The following MSI2 variants were observed in gnomAD, a reference collection of about 807,000 sequenced individuals.
The protein encoded by MSI2 is musashi RNA binding protein 2.
In MSI2, 17 loss-of-function variants were observed where a neutral mutation model predicts 45.6. The observed-to-expected ratio is 0.37, with a 90% CI of 0.26 to 0.56. MSI2 has a LOEUF of 0.56. Among genes scored for constraint, MSI2 ranks in the 20% least tolerant of loss-of-function variants. The probability of loss-of-function intolerance (pLI) is 0.77; values close to 1 mark genes in which losing one functional copy is unlikely to be tolerated. For synonymous variants in MSI2, 156 were observed against 158.2 expected (o/e 0.99, Z 0.11); for missense variants, 293 against 444.2 (o/e 0.66, Z 3.06).
At chr17:57,485,339 C>G (rs745992720) in intron 6 of MSI2, among the ~76,000 whole-genome samples, 2 of 152,156 alleles carry the variant, frequency 1.3e-5, no homozygotes, top group Non-Finnish European at 2.9e-5. Flanking sequence ...AGTTTTAAAT[C>G]CTTTTATTTC....
chr17:57,673,751 G>A (rs2240601), intron 11 of MSI2, among the ~76,000 whole-genome samples: 25,951 of 151,826 alleles, frequency 0.17, 2,698 homozygotes, highest in East Asian at 0.38. Context: ...GCTGCCCCCC[G>A]ATCTGCAACC....
chr17:57,508,106 G>A (rs978574885), intron 6 of MSI2, among the ~76,000 whole-genome samples: 16 of 152,208 alleles, frequency 1.1e-4, no homozygotes, highest in Admixed American at 1.0e-3. Flanking sequence ...CCTGCTGCAG[G>A]TCAGCAGCAG....
intron 7 of MSI2, among the ~76,000 whole-genome samples, chr17:57,594,703 G>A (rs534794619): frequency 6.6e-6 from 1 of 152,236 alleles, no homozygotes; most frequent in South Asian, 2.1e-4. Flanking sequence ...CTGGTGAAAG[G>A]TTTTTTTGTT....
chr17:57,266,649 C>A (rs1907810020), intron 5 of MSI2: 1 of 152,188 alleles, frequency 6.6e-6, no homozygotes, highest in Non-Finnish European at 1.5e-5. Flanking sequence ...GCATGAGCCA[C>A]CGTGCCCGAC....
At chr17:57,330,244 C>T (rs187876542) in intron 5 of MSI2, among the ~76,000 whole-genome samples, 1 of 151,582 alleles carries the variant, frequency 6.6e-6, no homozygotes, top group East Asian at 1.9e-4. Flanking sequence ...TGTCCTTCTC[C>T]TCCCAGTTTT....
At chr17:57,583,870 T>C (rs1288774103) in intron 7 of MSI2, among the ~76,000 whole-genome samples, 1 of 152,218 alleles carries the variant, frequency 6.6e-6, no homozygotes, top group Non-Finnish European at 1.5e-5. Context: ...GGATGGGACC[T>C]GGACATCAGC....
At chr17:57,655,490 G>A (rs1481877675) in intron 11 of MSI2, among the ~76,000 whole-genome samples, 3 of 151,882 alleles carry the variant, frequency 2.0e-5, no homozygotes, top group Non-Finnish European at 4.4e-5. Context: ...GTACCACCCC[G>A]TCCCACCTCT....
chr17:57,632,363 T>C (rs1165119368), intron 10 of MSI2: 4 of 1,066,508 alleles, frequency 3.8e-6, no homozygotes, highest in Non-Finnish European at 4.5e-6. Flanking sequence ...AGAGGAGCTA[T>C]ATAAACACTA....
chr17:57,554,934 G>A (rs989806287), intron 7 of MSI2, among the ~76,000 whole-genome samples: 5 of 152,242 alleles, frequency 3.3e-5, no homozygotes, highest in African/African-American at 1.2e-4. Context: ...GGGATGTTTT[G>A]CTCAAACCTG....
chr17:57,495,968 G>C (rs754956271), intron 6 of MSI2, among the ~76,000 whole-genome samples: 5 of 152,152 alleles, frequency 3.3e-5, no homozygotes, highest in Non-Finnish European at 5.9e-5. Flanking sequence ...CTTTTGCTAT[G>C]GCTCAGGGAG....
intron 6 of MSI2, among the ~76,000 whole-genome samples, chr17:57,424,183 T>C (rs1269542814): frequency 6.6e-6 from 1 of 152,230 alleles, no homozygotes; most frequent in African/African-American, 2.4e-5. Context: ...GTGTAGGAGC[T>C]GTCTTCTGTT....
intron 5 of MSI2, among the ~76,000 whole-genome samples, chr17:57,269,519 G>C (rs2143263002): frequency 6.6e-6 from 1 of 152,268 alleles, no homozygotes; most frequent in Admixed American, 6.5e-5. Flanking sequence ...TCTTCTTCAG[G>C]AGTGATGCTC....
the MSI2 span, among the ~76,000 whole-genome samples, chr17:57,701,371 A>G: frequency 6.6e-6 from 1 of 152,198 alleles, no homozygotes; most frequent in African/African-American, 2.4e-5. Context: ...AGGTCATGAA[A>G]GTGGAGCCCT....
chr17:57,532,435 A>G (rs1360172591), intron 7 of MSI2: 1 of 152,190 alleles, frequency 6.6e-6, no homozygotes, highest in African/African-American at 2.4e-5. Context: ...CCAACCCCTC[A>G]AGATACCGGA....
chr17:57,333,440 CGT>C (rs1567762886), intron 5 of MSI2, among the ~76,000 whole-genome samples: 4 of 147,492 alleles, frequency 2.7e-5, no homozygotes, highest in African/African-American at 1.0e-4. Context: ...TGATTTGTAC[CGT>C]TTTTTTTTTT....
chr17:57,584,340 T>A (rs1164180176), intron 7 of MSI2, among the ~76,000 whole-genome samples: 1 of 152,098 alleles, frequency 6.6e-6, no homozygotes, highest in Non-Finnish European at 1.5e-5. Context: ...CACCCCCTGG[T>A]GAATTTAAGT....
intron 5 of MSI2, among the ~76,000 whole-genome samples, chr17:57,330,289 C>CTT (rs1023452042): frequency 7.0e-6 from 1 of 142,682 alleles, no homozygotes; most frequent in Admixed American, 7.0e-5. Context: ...TCTTTTTTTT[C>CTT]TTTTTTTTTT....
At chr17:57,465,344 A>G (rs1484067902) in intron 6 of MSI2, among the ~76,000 whole-genome samples, 1 of 151,958 alleles carries the variant, frequency 6.6e-6, no homozygotes, top group African/African-American at 2.4e-5. Context: ...TTGAGATGAG[A>G]GTCAGCTCAC....
chr17:57,644,307 A>G (rs12948117), intron 10 of MSI2, among the ~76,000 whole-genome samples: 27,186 of 150,576 alleles, frequency 0.18, 2,587 homozygotes, highest in East Asian at 0.34. Context: ...TTGGTTATCA[A>G]TTGTTCCTCC....
Sources: allele counts gnomAD v4.1 joint callset (sites outside exome capture counted in the v4.1 genomes callset), GRCh38; gene constraint gnomAD v4.1.1; transcripts MANE v1.5; gene names NCBI Gene and HGNC (gene_info 2026-07-23, HGNC 2026-07-21).